The following IGSF10 variants were observed in gnomAD, a reference collection of about 807,000 sequenced individuals.
IGSF10 encodes immunoglobulin superfamily member 10, also known as calvaria mechanical force protein 608.
A neutral mutation model predicts 128.2 loss-of-function variants in IGSF10; 126 were observed. The observed-to-expected ratio is 0.98, with a 90% CI of 0.85 to 1.14. The LOEUF (loss-of-function observed/expected upper bound fraction) is 1.14. Ranked by LOEUF, IGSF10 falls within the 50% of genes most tolerant of loss-of-function variation. The pLI is 0.00. For synonymous variants in IGSF10, 1,185 were observed against 1,146.2 expected (o/e 1.03, Z -0.68); for missense variants, 3,295 against 3,149.8 (o/e 1.05, Z -1.10).
the IGSF10 span, among the ~76,000 whole-genome samples, chr3:151,580,728 A>C: frequency 6.6e-6 from 1 of 152,222 alleles, no homozygotes; most frequent in Non-Finnish European, 1.5e-5. Context: ...TTACGGAGGA[A>C]TTCTACTGTG....
At chr3:151,511,112 A>G in the IGSF10 span, among the ~76,000 whole-genome samples, 1 of 152,250 alleles carries the variant, frequency 6.6e-6, no homozygotes, top group Admixed American at 6.5e-5. Flanking sequence ...AAATACAGAG[A>G]ACGCCACAAA....
chr3:151,446,532 A>G lies in IGSF10; in HGVS notation c.3449T>C (p.Ile1150Thr), dbSNP rs199896205. Residue 1150 changes from isoleucine (I) to threonine (T), a missense_variant, in exon 6 of 8, where the codon ATA (isoleucine) becomes ACA (threonine). Physicochemically the swap from Ile to Thr is moderately conservative, Grantham distance 89 (BLOSUM62 -1). Transcript: ENST00000282466. ...TACTTTGTGAGTTTTTTCCATGGGT[A>G]TGGATGTTGGAGCATATGTCATGAC... ...GAVMTYAPTS[I>T]PMEKTHKVNA... 5.7e-5 allele frequency: 92 copies of G among 1,614,112 alleles called. No individual in the cohort carries two copies. Among genetic ancestry groups the G allele is most frequent in the Non-Finnish European group, 7.5e-5 (88 of 1,179,984 alleles).
chr3:151,499,988 A>G, the IGSF10 span, among the ~76,000 whole-genome samples: 1 of 152,170 alleles, frequency 6.6e-6, no homozygotes, highest in Non-Finnish European at 1.5e-5. Flanking sequence ...TAAACAAGAT[A>G]CAAAGAAATT....
the IGSF10 span, among the ~76,000 whole-genome samples, chr3:151,578,128 G>T: frequency 3.3e-5 from 5 of 152,086 alleles, no homozygotes; most frequent in Non-Finnish European, 5.9e-5. Flanking sequence ...TGGAAAAGTT[G>T]ACATCTTAGG....
chr3:151,552,517 T>C, the IGSF10 span, among the ~76,000 whole-genome samples: 1 of 152,100 alleles, frequency 6.6e-6, no homozygotes, highest in Non-Finnish European at 1.5e-5. Context: ...AGGGAGGGCA[T>C]TAAGATCAAT....
chr3:151,445,934 C>A lies in IGSF10; in HGVS notation c.4047G>T (p.Glu1349Asp). Residue 1349 changes from glutamate to aspartate, a missense_variant, in exon 6 of 8, where the codon GAG (glutamate) becomes GAT (aspartate). Physicochemically the swap from Glu to Asp is conservative, Grantham distance 45 (BLOSUM62 2). Transcript: ENST00000282466. ...SRAQTIQREQEPQKKNRTDPN... is the reference protein window; with the variant it reads ...SRAQTIQREQDPQKKNRTDPN... ...GGTCAGTCCTGTTCTTCTTTTGAGG[C>A]TCCTGTTCTCTTTGTATTGTTTGTG... 1 of 1,614,154 alleles carries A rather than the reference C, an allele frequency of 6.2e-7. No homozygotes were observed. The highest frequency in any genetic ancestry group is 1.1e-5 in the South Asian group (1 of 91,078).
chr3:151,539,288 C>T, the IGSF10 span, among the ~76,000 whole-genome samples: 2 of 152,158 alleles, frequency 1.3e-5, no homozygotes, highest in Non-Finnish European at 2.9e-5. Flanking sequence ...AGACCAGATG[C>T]AGACGTGAAC....
the IGSF10 span, among the ~76,000 whole-genome samples, chr3:151,514,804 A>G: frequency 2.6e-5 from 4 of 152,118 alleles, no homozygotes; most frequent in African/African-American, 4.8e-5. Flanking sequence ...AAAAGTGGGC[A>G]AAGGATATGA....
chr3:151,453,321 T>C (rs1721599007), intron 5 of IGSF10, 63 bp downstream of exon 5: 1 of 1,344,800 alleles, frequency 7.4e-7, no homozygotes, highest in Non-Finnish European at 1.0e-6. Flanking sequence ...CACTTCCTAA[T>C]ATAATACCTC....
chr3:151,546,046 A>G, the IGSF10 span, among the ~76,000 whole-genome samples: 1 of 151,978 alleles, frequency 6.6e-6, no homozygotes, highest in East Asian at 1.9e-4. Flanking sequence ...TGGCCACAAA[A>G]AAAAAAAAAA....
chr3:151,517,348 T>C, the IGSF10 span, among the ~76,000 whole-genome samples: 1 of 151,990 alleles, frequency 6.6e-6, no homozygotes. Context: ...GCTCATTCTT[T>C]GATCTATTTG....
chr3:151,520,584 T>C, the IGSF10 span, among the ~76,000 whole-genome samples: 33 of 151,922 alleles, frequency 2.2e-4, 1 homozygote, highest in South Asian at 6.0e-3. Flanking sequence ...ATTCAATATC[T>C]TTAAAGAAAA....
At chr3:151,519,743 T>A in the IGSF10 span, among the ~76,000 whole-genome samples, 1 of 151,728 alleles carries the variant, frequency 6.6e-6, no homozygotes, top group South Asian at 2.1e-4. Context: ...AAATGACTAG[T>A]TTTGATTGCT....
the IGSF10 span, among the ~76,000 whole-genome samples, chr3:151,553,984 C>A: frequency 7.4e-5 from 10 of 135,854 alleles, no homozygotes; most frequent in East Asian, 6.7e-4. Context: ...AAAAAAAAAA[C>A]AAAAGAAAAA....
Position 151,447,516 on chromosome 3 carries a change from G to A in IGSF10, c.2465C>T (p.Thr822Ile). Residue 822 changes from threonine to isoleucine, a missense_variant, in exon 6 of 8, where the codon ACT becomes ATT. Physicochemically the swap from Thr to Ile is moderately conservative, Grantham distance 89 (BLOSUM62 -1). Transcript: ENST00000282466. ...ATCAGATATTGTTCTGGAGTCAGCA[G>A]TCACTGTCCTTGCTGGAAGGTTCAA... is the stretch of plus-strand genomic sequence containing the variant. ...KALNLPARTVTADSRTISDSP... is the reference protein window; with the variant it reads ...KALNLPARTVIADSRTISDSP... 6.2e-7 allele frequency: 1 copy of A among 1,614,156 alleles called. No individual in the cohort carries two copies. Among genetic ancestry groups the A allele is most frequent in the South Asian group, 1.1e-5 (1 of 91,084 alleles).
chr3:151,564,475 C>T, the IGSF10 span, among the ~76,000 whole-genome samples: 79 of 152,084 alleles, frequency 5.2e-4, no homozygotes, highest in African/African-American at 1.7e-3. Flanking sequence ...TCTTTGACAA[C>T]ATTTACAAAT....
At chr3:151,520,076 G>T in the IGSF10 span, among the ~76,000 whole-genome samples, 1 of 151,222 alleles carries the variant, frequency 6.6e-6, no homozygotes, top group Non-Finnish European at 1.5e-5. Context: ...TATCCTCTCA[G>T]TGATAGTCAA....
chr3:151,555,209 T>C, the IGSF10 span, among the ~76,000 whole-genome samples: 1 of 152,110 alleles, frequency 6.6e-6, no homozygotes, highest in South Asian at 2.1e-4. Flanking sequence ...GAAAAATGTA[T>C]TTAAATAAAC....
the IGSF10 span, among the ~76,000 whole-genome samples, chr3:151,534,456 A>G: frequency 6.6e-6 from 1 of 152,218 alleles, no homozygotes; most frequent in African/African-American, 2.4e-5. Context: ...CATATACACC[A>G]TGGAATACTA....
Sources: gnomAD v4.1 joint callset for allele counts (sites outside exome capture counted in the v4.1 genomes callset) on GRCh38, gnomAD v4.1.1 for gene constraint, MANE v1.5 for transcripts, NCBI Gene and HGNC (gene_info 2026-07-23, HGNC 2026-07-21) for gene names.